The following ERBB4 variants were observed in gnomAD, a reference collection of about 807,000 sequenced individuals.
The protein encoded by ERBB4 is receptor tyrosine-protein kinase erbB-4.
Under a neutral mutation model 158.0 loss-of-function variants are expected in ERBB4, and 42 were observed. The observed-to-expected ratio is 0.27, with a 90% confidence interval of 0.21 to 0.34. ERBB4 has a LOEUF of 0.34. ERBB4 is among the 10% of genes least tolerant of loss of function. ERBB4 has a pLI of 1.00. For synonymous variants in ERBB4, 583 were observed against 558.7 expected, an observed-to-expected ratio of 1.04 and a Z score of -0.61; for missense variants, 1,333 against 1,624.1, an observed-to-expected ratio of 0.82 and a Z score of 3.08.
chr2:211,905,342 G>C (rs1158128837), intron 3 of ERBB4, among the ~76,000 whole-genome samples: 1 of 151,544 alleles, frequency 6.6e-6, no homozygotes, highest in African/African-American at 2.4e-5. Context: ...GGACCCTCAG[G>C]ATTACACTGG....
chr2:211,698,280 C>T (rs1239747766), intron 12 of ERBB4, among the ~76,000 whole-genome samples: 1 of 148,270 alleles, frequency 6.7e-6, no homozygotes, highest in African/African-American at 2.5e-5. Flanking sequence ...CCATTGCACT[C>T]CAGCCTGGGA....
chr2:211,584,444 G>A (rs1032272176), intron 19 of ERBB4, among the ~76,000 whole-genome samples: 6 of 152,018 alleles, frequency 3.9e-5, no homozygotes, highest in African/African-American at 1.4e-4. Flanking sequence ...ACTCCTATAT[G>A]ACATTTTTCA....
At chr2:211,777,573 A>G (rs1238107971) in intron 4 of ERBB4, 2 of 152,126 alleles carry the variant, frequency 1.3e-5, no homozygotes, top group Non-Finnish European at 2.9e-5. Flanking sequence ...TACTATCCCT[A>G]CGAGGTTTAC....
chr2:212,214,674 CTTT>C (rs938288491), intron 1 of ERBB4, among the ~76,000 whole-genome samples: 19 of 114,024 alleles, frequency 1.7e-4, no homozygotes, highest in Non-Finnish European at 3.1e-4. Context: ...TTTGTACAAT[CTTT>C]TTGGAAAACC....
At chr2:211,638,781 C>G (rs2070457054) in intron 16 of ERBB4, among the ~76,000 whole-genome samples, 2 of 152,044 alleles carry the variant, frequency 1.3e-5, no homozygotes, top group Non-Finnish European at 2.9e-5. Context: ...TAATCTGATC[C>G]TTTTATATCT....
At chr2:211,440,308 T>C (rs187972641) in intron 20 of ERBB4, among the ~76,000 whole-genome samples, 2 of 152,326 alleles carry the variant, frequency 1.3e-5, no homozygotes, top group Admixed American at 1.3e-4. Flanking sequence ...AATAAAGATG[T>C]GCTTTCCAAT....
At chr2:211,896,066 C>T (rs1478411633) in intron 3 of ERBB4, among the ~76,000 whole-genome samples, 1 of 152,148 alleles carries the variant, frequency 6.6e-6, no homozygotes, top group African/African-American at 2.4e-5. Context: ...GTCTTCTCTA[C>T]CTATACTTCC....
At chr2:211,471,419 T>C (rs190127847) in intron 20 of ERBB4, among the ~76,000 whole-genome samples, 3 of 152,246 alleles carry the variant, frequency 2.0e-5, no homozygotes, top group Non-Finnish European at 4.4e-5. Flanking sequence ...AATTAATAAG[T>C]AAGGGAATTT....
At chr2:212,316,365 A>G (rs748905689) in intron 1 of ERBB4, among the ~76,000 whole-genome samples, 9 of 151,444 alleles carry the variant, frequency 5.9e-5, no homozygotes, top group Middle Eastern at 3.2e-3. Context: ...TTGACAATTG[A>G]GCATTAAAGA....
intron 2 of ERBB4, among the ~76,000 whole-genome samples, chr2:212,092,219 G>A (rs1308632265): frequency 6.6e-6 from 1 of 152,140 alleles, no homozygotes; most frequent in Admixed American, 6.5e-5. Context: ...TGCCATTAGG[G>A]AATTATACAT....
chr2:212,473,904 C>A (rs1465838100), intron 1 of ERBB4, among the ~76,000 whole-genome samples: 1 of 151,970 alleles, frequency 6.6e-6, no homozygotes, highest in African/African-American at 2.4e-5. Flanking sequence ...GAAATTTAAC[C>A]ATTATATGTT....
Position 211,717,783 on chromosome 2 carries a change from C to T in ERBB4, c.884-4135G>A, listed in dbSNP as rs551125580. On this transcript the variant is annotated intron_variant, in intron 7 of 27. Coordinates refer to ENST00000342788, the MANE Select transcript of ERBB4 (RefSeq NM_005235.3). Reference sequence around the variant, plus strand: ...CGGAGGTTGCAGTGAGCCAAGATTGCGCCATTGCTCTCCAGCCTGGGTGAC... The same window carrying T: ...CGGAGGTTGCAGTGAGCCAAGATTGTGCCATTGCTCTCCAGCCTGGGTGAC... Among the ~76,000 whole-genome samples, 51 of 152,168 alleles carry T rather than the reference C, an allele frequency of 3.4e-4. No individual in the cohort carries two copies. The South Asian group carries it at 3.9e-3, about 12-fold the overall frequency.
At chr2:212,091,306 A>C (rs906531479) in intron 2 of ERBB4, among the ~76,000 whole-genome samples, 24 of 152,250 alleles carry the variant, frequency 1.6e-4, no homozygotes, top group Middle Eastern at 3.4e-3. Context: ...TTATTGCAAT[A>C]AACTTAAATT....
chr2:211,657,796 T>C lies in ERBB4; in HGVS notation c.1904A>G (p.Tyr635Cys), dbSNP rs148634484. The change falls in exon 16 of 28, where the codon TAC becomes TGC. Residue 635 changes from tyrosine (Y) to cysteine (C), a missense_variant. Tyr to Cys is a radical substitution (Grantham distance 194, BLOSUM62 -2). This residue lies in a region of ERBB4 where 245 missense variants were observed against 247.5 expected (regional missense o/e 0.99). Transcript: ENST00000342788. ...AGTGGAATGGCCCGTCCATGGGTAGTAAATGCAGTCATGACTAGTGGGACC... is the reference window on the plus strand; with the variant it reads ...AGTGGAATGGCCCGTCCATGGGTAGCAAATGCAGTCATGACTAGTGGGACC... ...CNGPTSHDCIYYPWTGHSTLP... is the reference protein window; with the variant it reads ...CNGPTSHDCICYPWTGHSTLP... The C allele has an allele frequency of 4.3e-6, 7 of 1,613,910 alleles. No individual in the cohort carries two copies. Among genetic ancestry groups the C allele is most frequent in the African/African-American group, 2.7e-5 (2 of 74,910 alleles).
At chr2:211,719,842 G>T (rs1575046266) in intron 7 of ERBB4, among the ~76,000 whole-genome samples, 1 of 146,936 alleles carries the variant, frequency 6.8e-6, no homozygotes, top group Non-Finnish European at 1.5e-5. Flanking sequence ...GTGACAGAGC[G>T]AGATTCTGTC....
chr2:211,770,661 A>G (rs879724119), intron 4 of ERBB4, among the ~76,000 whole-genome samples: 4 of 152,178 alleles, frequency 2.6e-5, no homozygotes, highest in Admixed American at 1.3e-4. Flanking sequence ...GAGACCTACT[A>G]TTTCAAGATA....
At chr2:211,653,788 C>T (rs1353863953) in intron 16 of ERBB4, among the ~76,000 whole-genome samples, 1 of 152,046 alleles carries the variant, frequency 6.6e-6, no homozygotes, top group Non-Finnish European at 1.5e-5. Flanking sequence ...GATTCTCCTG[C>T]CTCAGCCTCT....
At chr2:212,035,284 C>T (rs1393526601) in intron 2 of ERBB4, among the ~76,000 whole-genome samples, 1 of 152,174 alleles carries the variant, frequency 6.6e-6, no homozygotes, top group Non-Finnish European at 1.5e-5. Flanking sequence ...CCCCACTCAG[C>T]TCCCAGAACT....
At chr2:212,102,930 AC>A (rs2079125334) in intron 2 of ERBB4, among the ~76,000 whole-genome samples, 1 of 152,048 alleles carries the variant, frequency 6.6e-6, no homozygotes, top group Non-Finnish European at 1.5e-5. Flanking sequence ...ATTCTTTCTT[AC>A]TTAGACTGCT....
Sources: allele counts gnomAD v4.1 joint callset (sites outside exome capture counted in the v4.1 genomes callset), GRCh38; gene constraint gnomAD v4.1.1; regional missense constraint gnomAD v4.1.1; transcripts MANE v1.5; gene names NCBI Gene and HGNC (gene_info 2026-07-23, HGNC 2026-07-21).